Variants in TNFRSF19 observed in about 807,000 individuals in gnomAD.
TNFRSF19 encodes tumor necrosis factor receptor superfamily member 19.
Under a neutral mutation model 46.4 loss-of-function variants are expected in TNFRSF19, and 27 were observed. The ratio of observed to expected loss-of-function variants is 0.58; its 90% CI spans 0.43 to 0.80. The LOEUF is 0.80. TNFRSF19 is among the 30% of genes least tolerant of loss of function. TNFRSF19 has a pLI of 0.00. For synonymous variants in TNFRSF19, 204 were observed against 205.0 expected (o/e 1.00, Z 0.04); for missense variants, 511 against 530.8 (o/e 0.96, Z 0.37).
chr13:23,667,618 G>A (rs560176880), intron 7 of TNFRSF19, among the ~76,000 whole-genome samples: 4 of 152,202 alleles, frequency 2.6e-5, no homozygotes, highest in South Asian at 2.1e-4. Context: ...CAGTTCAGTG[G>A]CGTTAAGTAC....
At chr13:23,626,515 G>A (rs941572572) in intron 4 of TNFRSF19, among the ~76,000 whole-genome samples, 192 bp from the exon 5 acceptor site, 7 of 151,762 alleles carry the variant, frequency 4.6e-5, no homozygotes, top group Non-Finnish European at 7.4e-5. Context: ...GCAAAGTTAC[G>A]TTTAGGGGAA....
intron 3 of TNFRSF19, among the ~76,000 whole-genome samples, chr13:23,605,948 G>A (rs1783141430): frequency 6.6e-6 from 1 of 152,140 alleles, no homozygotes; most frequent in Admixed American, 6.6e-5. Flanking sequence ...AATGTAAACA[G>A]TGGAACTTAG....
chr13:23,654,675 T>TCC (rs1883867792), intron 5 of TNFRSF19, among the ~76,000 whole-genome samples: 2 of 152,168 alleles, frequency 1.3e-5, no homozygotes, highest in South Asian at 4.1e-4. Context: ...TGTTTTGATC[T>TCC]CAGAAGCTAC....
chr13:23,668,926 G>A lies in TNFRSF19; in HGVS notation c.1074G>A (p.Gly358=), dbSNP rs1186036666. The change falls in exon 9 of 10, where the codon GGG becomes GGA. Residue 358 remains glycine (G), a synonymous_variant. Coordinates refer to ENST00000248484, the MANE Select transcript of TNFRSF19 (RefSeq NM_148957.4). ...DSNSSQDLVG[G]AVPVQSHSEN... Reference sequence around the variant, plus strand: ...ATAGCAGTCAAGATTTGGTTGGTGGGGCTGTTCCAGTCCAGTCTCATTCTG... The same window carrying A: ...ATAGCAGTCAAGATTTGGTTGGTGGAGCTGTTCCAGTCCAGTCTCATTCTG... 1 of 1,614,160 alleles carries A rather than the reference G, an allele frequency of 6.2e-7. No homozygotes were observed. The highest frequency in any genetic ancestry group is 8.5e-7 in the Non-Finnish European group (1 of 1,180,030).
chr13:23,610,589 G>A (rs770479597), intron 3 of TNFRSF19, among the ~76,000 whole-genome samples: 12 of 149,838 alleles, frequency 8.0e-5, no homozygotes, highest in African/African-American at 1.5e-4. Context: ...TGCTGGGGCC[G>A]TTACAAGCTA....
chr13:23,590,801 C>T (rs1045839087), intron 2 of TNFRSF19, among the ~76,000 whole-genome samples: 2 of 152,182 alleles, frequency 1.3e-5, no homozygotes, highest in Non-Finnish European at 2.9e-5. Context: ...CATAAAATTG[C>T]AGTGTTACTT....
intron 1 of TNFRSF19, among the ~76,000 whole-genome samples, chr13:23,581,133 T>C (rs948909298): frequency 5.3e-5 from 6 of 113,626 alleles, no homozygotes; most frequent in Non-Finnish European, 7.7e-5. Context: ...TTTTCTTTTC[T>C]TTTTTTTTTT....
At chr13:23,633,256 G>T (rs1212264400) in intron 5 of TNFRSF19, among the ~76,000 whole-genome samples, 1 of 152,144 alleles carries the variant, frequency 6.6e-6, no homozygotes. Flanking sequence ...GGGCCCACAG[G>T]TACATGCCAG....
At chr13:23,628,466 G>C (rs910239625) in intron 5 of TNFRSF19, among the ~76,000 whole-genome samples, 2 of 152,310 alleles carry the variant, frequency 1.3e-5, no homozygotes, top group African/African-American at 2.4e-5. Flanking sequence ...AGGAAGGTGA[G>C]TTAAAATCAT....
Position 23,659,992 on chromosome 13 carries a change from C to T in TNFRSF19, c.611-373C>T, listed in dbSNP as rs1003882995. On this transcript the variant is annotated intron_variant, in intron 6 of 9. Transcript: ENST00000248484. The surrounding 1 kb of genome is among the most constrained non-coding windows in gnomAD (Gnocchi z 4.9). ...GAGGAGGAGGAGGAGGAGGGTTGGC[C>T]TTGGTGTCTCAGCGTGGCAGAGGCT... Among the ~76,000 whole-genome samples the T allele has an allele frequency of 2.6e-5, 4 of 151,934 alleles. No homozygotes were observed. Among genetic ancestry groups the T allele is most frequent in the Admixed American group, 6.6e-5 (1 of 15,250 alleles).
At chr13:23,620,046 A>G (rs1490804772) in intron 4 of TNFRSF19, among the ~76,000 whole-genome samples, 1 of 152,236 alleles carries the variant, frequency 6.6e-6, no homozygotes. Context: ...ATGTTTCACA[A>G]TTTATTTATA....
intron 1 of TNFRSF19, chr13:23,585,376 C>T (rs943894158): frequency 6.6e-6 from 1 of 152,126 alleles, no homozygotes; most frequent in Non-Finnish European, 1.5e-5. Context: ...TTTACACCAT[C>T]AAAAATATAA....
At chr13:23,582,892 T>A (rs530384971) in intron 1 of TNFRSF19, among the ~76,000 whole-genome samples, 1 of 152,374 alleles carries the variant, frequency 6.6e-6, no homozygotes, top group South Asian at 2.1e-4. Context: ...ATTACAGGTA[T>A]CAAAAGTTAA....
At chr13:23,649,280 T>C (rs1474523495) in intron 5 of TNFRSF19, among the ~76,000 whole-genome samples, 1 of 152,208 alleles carries the variant, frequency 6.6e-6, no homozygotes, top group Non-Finnish European at 1.5e-5. Context: ...GATTCTCTGT[T>C]TCTTCCATTT....
intron 7 of TNFRSF19, among the ~76,000 whole-genome samples, chr13:23,665,461 CT>C (rs1308284059): frequency 1.3e-5 from 2 of 152,140 alleles, no homozygotes; most frequent in African/African-American, 4.8e-5. Flanking sequence ...ATGGCAGATA[CT>C]TTTTTCCCTT....
intron 7 of TNFRSF19, 139 bp from the exon 8 acceptor site, chr13:23,667,841 A>G: frequency 1.5e-6 from 1 of 651,698 alleles, no homozygotes; most frequent in Non-Finnish European, 2.5e-6. Flanking sequence ...TAAGAAAAAA[A>G]GAGAACCTTG....
At chr13:23,583,377 A>T (rs1271525131) in intron 1 of TNFRSF19, among the ~76,000 whole-genome samples, 2 of 152,106 alleles carry the variant, frequency 1.3e-5, no homozygotes, top group Non-Finnish European at 2.9e-5. Flanking sequence ...TATGAACATA[A>T]TTTTTTTTCA....
intron 5 of TNFRSF19, among the ~76,000 whole-genome samples, chr13:23,632,991 C>T (rs1262215035): frequency 1.3e-5 from 2 of 152,172 alleles, no homozygotes; most frequent in Non-Finnish European, 2.9e-5. Context: ...CCTTTTCATC[C>T]TAATGACTGA....
At chr13:23,585,217 A>G (rs1195882663) in intron 1 of TNFRSF19, among the ~76,000 whole-genome samples, 1 of 152,222 alleles carries the variant, frequency 6.6e-6, no homozygotes. Flanking sequence ...AGTTTTTTTG[A>G]TGAAAACTGT....
Sources: allele counts gnomAD v4.1 joint callset (sites outside exome capture counted in the v4.1 genomes callset), GRCh38; gene constraint gnomAD v4.1.1; non-coding constraint Gnocchi (gnomAD v3.1); transcripts MANE v1.5; gene names NCBI Gene and HGNC (gene_info 2026-07-23, HGNC 2026-07-21).